Variants in ERLIN2 observed in about 807,000 individuals in gnomAD.
The protein encoded by ERLIN2 is erlin-2.
Under a neutral mutation model 41.5 loss-of-function variants are expected in ERLIN2, and 22 were observed. The observed-to-expected ratio is 0.53, with a 90% confidence interval of 0.38 to 0.76. The LOEUF is 0.76. Among genes scored for constraint, ERLIN2 ranks in the 30% least tolerant of loss-of-function variants. ERLIN2 has a pLI of 0.00. For missense variants in ERLIN2, 247 were observed against 414.3 expected (o/e 0.60, Z 3.51); for synonymous variants, 149 against 150.9 (o/e 0.99, Z 0.09).
At position 37,758,193 on chromosome 8, in the gene ERLIN2, T is replaced by A. The variant is rs918031721; in HGVS notation, c.*4078T>A. The A allele has an allele frequency of 2.0e-5, 3 of 152,362 alleles. No individual in the cohort carries two copies. Among genetic ancestry groups the A allele is most frequent in the Admixed American group, 6.5e-5 (1 of 15,304 alleles). 9.4% of individuals were successfully genotyped at this position (152,362 alleles called of 1,614,324 possible). ...CCCTAGCCCAGGCTTTCTCAGGTTT[T>A]TTTTAACAGGGATCCCAAGCTTTTT... On this transcript the variant is annotated 3_prime_UTR_variant, in exon 12 of 12. Coordinates refer to ENST00000519638, the MANE Select transcript of ERLIN2 (RefSeq NM_007175.8).
chr8:37,747,355 A>G (rs746924801), intron 6 of ERLIN2: 8 of 1,345,926 alleles, frequency 5.9e-6, no homozygotes, highest in South Asian at 2.3e-5. Context: ...CTGGTTGTCA[A>G]TCAAGGTCCC....
At chr8:37,742,249 G>T (rs982266286) in intron 4 of ERLIN2, among the ~76,000 whole-genome samples, 6 of 151,818 alleles carry the variant, frequency 4.0e-5, no homozygotes, top group African/African-American at 1.2e-4. Context: ...GCTGAGGCAG[G>T]GGAATGACTT....
rs1400182364 is a variant in ERLIN2 at position 37,756,507 on chromosome 8, C to T, written c.*2392C>T. The T allele has an allele frequency of 6.6e-6, 1 of 152,650 alleles. No individual in the cohort carries two copies. Among genetic ancestry groups the T allele is most frequent in the Non-Finnish European group, 1.5e-5 (1 of 68,054 alleles). The allele number at this position is 152,650 out of a possible 1,614,324, so 9.5% of individuals were successfully genotyped here. A position where few individuals can be genotyped will look rare whatever the true frequency, so the allele number is the denominator to read the frequency against. ...TTGTCCCATGAGCACAGAAGAGCCT[C>T]AGTAGAGTCAAGTCCTGCTGCAGCT... On this transcript the variant is annotated 3_prime_UTR_variant, in exon 12 of 12. Transcript: ENST00000519638.
chr8:37,747,208 A>C, intron 6 of ERLIN2: 1 of 666,790 alleles, frequency 1.5e-6, no homozygotes, highest in Admixed American at 2.3e-5. Context: ...ATGTAGGAGA[A>C]TCAATGGGAA....
chr8:37,740,198 T>G (rs1275910241), intron 2 of ERLIN2, among the ~76,000 whole-genome samples, 167 bp from the exon 3 acceptor site: 2 of 152,190 alleles, frequency 1.3e-5, no homozygotes, highest in African/African-American at 4.8e-5. Context: ...CCTAGAATAT[T>G]AGGATCTAGC....
At chr8:37,748,974 G>A (rs539407191) in intron 6 of ERLIN2, among the ~76,000 whole-genome samples, 2 of 152,286 alleles carry the variant, frequency 1.3e-5, no homozygotes, top group Admixed American at 6.5e-5. Flanking sequence ...CCTGGGGCTC[G>A]CTTCCAGAAC....
At chr8:37,742,479 A>T (rs965370590) in intron 4 of ERLIN2, among the ~76,000 whole-genome samples, 8 of 121,554 alleles carry the variant, frequency 6.6e-5, no homozygotes, top group African/African-American at 9.7e-5. Flanking sequence ...AGCCATAAAA[A>T]GGAACAAGAT....
At chr8:37,748,078 T>C in intron 6 of ERLIN2, 10 of 1,248,414 alleles carry the variant, frequency 8.0e-6, no homozygotes, top group Non-Finnish European at 9.4e-6. Flanking sequence ...GAGCGCGCCT[T>C]GCGCCTTTTC....
At chr8:37,749,500 G>T (rs908357696) in intron 6 of ERLIN2, 59 bp from the exon 7 acceptor site, 2 of 1,180,918 alleles carry the variant, frequency 1.7e-6, no homozygotes, top group Non-Finnish European at 2.5e-6. Context: ...ACCTCATCCT[G>T]CCCTCCCTCA....
At chr8:37,743,718 G>A (rs1247159920) in intron 4 of ERLIN2, among the ~76,000 whole-genome samples, 1 of 151,960 alleles carries the variant, frequency 6.6e-6, no homozygotes, top group African/African-American at 2.4e-5. Flanking sequence ...TGAGTGTGTA[G>A]GAGAATGATT....
chr8:37,749,783 T>C lies in ERLIN2; in HGVS notation c.499-11T>C. 6.2e-7 allele frequency: 1 copy of C among 1,613,972 alleles called. No homozygotes were observed. The highest frequency in any genetic ancestry group is 2.2e-5 in the East Asian group (1 of 44,874). On this transcript the variant is annotated splice_polypyrimidine_tract_variant and intron_variant, in intron 7 of 11. Transcript: ENST00000519638. ...ACTTTCCCATCAGCTGCTGTTTTAA[T>C]CTCTCTCCAGGCTGTGCGGGTAACA...
chr8:37,737,607 A>G (rs965519750), intron 1 of ERLIN2: 10 of 403,776 alleles, frequency 2.5e-5, no homozygotes, highest in Non-Finnish European at 4.2e-5. Flanking sequence ...TCGTGTTCAC[A>G]GGAAGACAAG....
chr8:37,749,384 C>G (rs1803161988), intron 6 of ERLIN2, among the ~76,000 whole-genome samples, 175 bp from the exon 7 acceptor site: 1 of 152,224 alleles, frequency 6.6e-6, no homozygotes, highest in Non-Finnish European at 1.5e-5. Flanking sequence ...GCTGCCTGCA[C>G]AGGCTGCTTC....
intron 6 of ERLIN2, 163 bp downstream of exon 6, chr8:37,744,859 G>A (rs555319267): frequency 1.3e-6 from 1 of 781,202 alleles, no homozygotes; most frequent in Non-Finnish European, 2.2e-6. Context: ...AGGAGTTCAT[G>A]GAGAATGCTG....
chr8:37,748,063 G>A (rs1803117367), intron 6 of ERLIN2: 2 of 1,411,158 alleles, frequency 1.4e-6, no homozygotes, highest in Admixed American at 1.7e-5. Context: ...CCGAAATGAC[G>A]TCACGAGCGC....
chr8:37,753,819 AG>A, intron 11 of ERLIN2, 95 bp from the exon 12 acceptor site: 2 of 1,030,418 alleles, frequency 1.9e-6, no homozygotes, highest in East Asian at 4.9e-5. Flanking sequence ...AAAAGTAGGT[AG>A]GGGCATAAAT....
At position 37,749,540 on chromosome 8, in the gene ERLIN2, C is replaced by T; in HGVS notation, c.425-19C>T. On this transcript the variant is annotated intron_variant, in intron 6 of 11. Coordinates refer to ENST00000519638, the MANE Select transcript of ERLIN2 (RefSeq NM_007175.8). ...GAAAGTGTAACAACTCCTTTTTCTC[C>T]ATCTTTTCTTTATTCCAGATCAGAT... is the stretch of plus-strand genomic sequence containing the variant. 1 of 1,591,634 alleles carries T rather than the reference C, an allele frequency of 6.3e-7. No individual in the cohort carries two copies. The highest frequency in any genetic ancestry group is 8.6e-7 in the Non-Finnish European group (1 of 1,159,546).
intron 6 of ERLIN2, chr8:37,745,839 G>T: frequency 7.4e-7 from 1 of 1,348,060 alleles, no homozygotes; most frequent in South Asian, 2.0e-5. Flanking sequence ...ATTTGCCGTT[G>T]ATTTTTCTTT....
intron 11 of ERLIN2, 68 bp from the exon 12 acceptor site, chr8:37,753,847 G>A (rs756206101): frequency 1.2e-5 from 17 of 1,374,834 alleles, no homozygotes; most frequent in Non-Finnish European, 1.7e-5. Flanking sequence ...AAATTGAAGG[G>A]GCACCACTCC....
Sources: allele counts gnomAD v4.1 joint callset (sites outside exome capture counted in the v4.1 genomes callset), GRCh38; gene constraint gnomAD v4.1.1; transcripts MANE v1.5; gene names NCBI Gene and HGNC (gene_info 2026-07-23, HGNC 2026-07-21).